The following GPD2 variants were observed in gnomAD, a reference collection of about 807,000 sequenced individuals.
GPD2 encodes glycerol-3-phosphate dehydrogenase, mitochondrial.
In GPD2, 54 loss-of-function variants were observed where a neutral mutation model predicts 82.4. The ratio of observed to expected loss-of-function variants is 0.66; its 90% CI spans 0.53 to 0.82. GPD2 has a LOEUF of 0.82. GPD2 is among the 40% of genes least tolerant of loss of function. GPD2 has a pLI of 0.00. For missense variants in GPD2, 748 were observed against 896.2 expected, an observed-to-expected ratio of 0.83 and a Z score of 2.11; for synonymous variants, 288 against 306.1, an observed-to-expected ratio of 0.94 and a Z score of 0.62.
intron 6 of GPD2, among the ~76,000 whole-genome samples, chr2:156,517,643 A>G (rs994507499): frequency 2.0e-5 from 3 of 152,204 alleles, no homozygotes; most frequent in African/African-American, 7.2e-5. Context: ...GACCAGGCCA[A>G]CTTTCTCAAG....
chr2:156,435,113 C>G (rs970254314), upstream of GPD2, among the ~76,000 whole-genome samples: 2 of 152,088 alleles, frequency 1.3e-5, no homozygotes, highest in African/African-American at 4.8e-5. Flanking sequence ...TAAATATATG[C>G]ATTCCTCTGG....
the GPD2 span, among the ~76,000 whole-genome samples, chr2:156,420,569 T>C: frequency 6.6e-6 from 1 of 152,224 alleles, no homozygotes; most frequent in Non-Finnish European, 1.5e-5. Context: ...TTCAGCTGCA[T>C]AATTTTACAG....
intron 1 of GPD2, among the ~76,000 whole-genome samples, chr2:156,438,895 C>A (rs935385322): frequency 6.6e-6 from 1 of 152,184 alleles, no homozygotes; most frequent in Admixed American, 6.5e-5. Flanking sequence ...CTCGTACAAT[C>A]ATTTTTCCAG....
At chr2:156,582,727 A>G (rs904289259) in intron 16 of GPD2, 66 bp from the exon 17 acceptor site, 31 of 1,566,748 alleles carry the variant, frequency 2.0e-5, no homozygotes, top group Non-Finnish European at 7.9e-6. Context: ...TCTAACGATT[A>G]TGATGCCATG....
At chr2:156,575,374 G>T (rs1687779668) in intron 13 of GPD2, among the ~76,000 whole-genome samples, 1 of 149,674 alleles carries the variant, frequency 6.7e-6, no homozygotes, top group Admixed American at 6.7e-5. Context: ...AATCATTTCA[G>T]ATATATCATT....
chr2:156,455,499 C>T (rs953349269), intron 1 of GPD2, among the ~76,000 whole-genome samples: 1 of 152,202 alleles, frequency 6.6e-6, no homozygotes, highest in Non-Finnish European at 1.5e-5. Context: ...CTGCCTTGCT[C>T]TATTGAGTTT....
chr2:156,447,931 T>C (rs1233891867), intron 1 of GPD2, among the ~76,000 whole-genome samples: 1 of 152,194 alleles, frequency 6.6e-6, no homozygotes, highest in Admixed American at 6.5e-5. Flanking sequence ...GGCAGACTTA[T>C]TCGCTGAACT....
chr2:156,403,635 G>A, the GPD2 span, among the ~76,000 whole-genome samples: 1 of 151,840 alleles, frequency 6.6e-6, no homozygotes, highest in African/African-American at 2.4e-5. Flanking sequence ...GTGTGTGTGT[G>A]TGCGCCTGCA....
At chr2:156,491,677 G>A (rs1166973012) in intron 2 of GPD2, among the ~76,000 whole-genome samples, 2 of 151,986 alleles carry the variant, frequency 1.3e-5, no homozygotes, top group African/African-American at 4.8e-5. Flanking sequence ...TTTCTTTTGG[G>A]TAACTATCCA....
At chr2:156,496,958 ATT>A (rs1684406475) in intron 3 of GPD2, among the ~76,000 whole-genome samples, 1 of 134,532 alleles carries the variant, frequency 7.4e-6, no homozygotes, top group Non-Finnish European at 1.8e-5. Flanking sequence ...TGTCTCAGTC[ATT>A]CTGTCTATTA....
intron 7 of GPD2, among the ~76,000 whole-genome samples, chr2:156,550,193 A>G (rs566030391): frequency 3.9e-5 from 6 of 152,364 alleles, no homozygotes; most frequent in South Asian, 2.1e-4. Context: ...CTAGCGCCAT[A>G]TAAGTAGGCA....
chr2:156,446,131 C>T (rs1400397382), intron 1 of GPD2, among the ~76,000 whole-genome samples: 6 of 152,108 alleles, frequency 3.9e-5, no homozygotes, highest in Non-Finnish European at 7.3e-5. Context: ...GAGTCTCGCT[C>T]TGTTGCCCAG....
At chr2:156,444,923 A>G (rs1485033404) in intron 1 of GPD2, among the ~76,000 whole-genome samples, 1 of 152,082 alleles carries the variant, frequency 6.6e-6, no homozygotes, top group Non-Finnish European at 1.5e-5. Context: ...CTAATTTAAA[A>G]AAAATTCTTA....
chr2:156,496,678 ATGAGTT>A (rs1684392479), intron 3 of GPD2, among the ~76,000 whole-genome samples: 3 of 72,230 alleles, frequency 4.2e-5, no homozygotes, highest in Non-Finnish European at 1.4e-4. Context: ...ACTATATTTT[ATGAGTT>A]TATATTTTAT....
At chr2:156,579,825 T>C (rs1358937678) in intron 16 of GPD2, 37 bp downstream of exon 16, 2 of 951,324 alleles carry the variant, frequency 2.1e-6, no homozygotes, top group Non-Finnish European at 3.5e-6. Flanking sequence ...ATATTTGCTT[T>C]TATCTTTTGT....
At chr2:156,447,572 C>T (rs1050529467) in intron 1 of GPD2, among the ~76,000 whole-genome samples, 1 of 152,046 alleles carries the variant, frequency 6.6e-6, no homozygotes, top group East Asian at 1.9e-4. Flanking sequence ...TGGGCTTGAG[C>T]GATTCTCCCT....
At chr2:156,570,032 G>T in intron 11 of GPD2, 55 bp from the exon 12 acceptor site, 4 of 1,526,796 alleles carry the variant, frequency 2.6e-6, no homozygotes, top group Non-Finnish European at 3.6e-6. Context: ...TTTGCTTTGT[G>T]CCTAGAAGCT....
At chr2:156,500,102 GT>G (rs919030168) in intron 3 of GPD2, among the ~76,000 whole-genome samples, 4 of 151,886 alleles carry the variant, frequency 2.6e-5, no homozygotes, top group African/African-American at 7.3e-5. Context: ...AGTTGATCAG[GT>G]TTTTAATTTT....
At chr2:156,571,345 CTTAAT>C in intron 13 of GPD2, 53 bp downstream of exon 13, 1 of 1,131,002 alleles carries the variant, frequency 8.8e-7, no homozygotes. Context: ...CGCGGAATGG[CTTAAT>C]TTGTTAGTAG....
Sources: gnomAD v4.1 joint callset for allele counts (sites outside exome capture counted in the v4.1 genomes callset) on GRCh38, gnomAD v4.1.1 for gene constraint, MANE v1.5 for transcripts, NCBI Gene and HGNC (gene_info 2026-07-23, HGNC 2026-07-21) for gene names.